The following PRG4 variants were observed in gnomAD, a reference collection of about 807,000 sequenced individuals.
PRG4 encodes the protein proteoglycan 4, also known as articular superficial zone protein.
A neutral mutation model predicts 91.2 loss-of-function variants in PRG4; 61 were observed. The ratio of observed to expected loss-of-function variants is 0.67; its 90% CI spans 0.54 to 0.83. The LOEUF (loss-of-function observed/expected upper bound fraction) is 0.83, where lower values mean the gene tolerates loss of function less well. Ranked by LOEUF, PRG4 falls within the 40% of genes least tolerant of loss-of-function variation. The probability of loss-of-function intolerance (pLI) is 0.00; values close to 1 mark genes in which losing one functional copy is unlikely to be tolerated. For synonymous variants in PRG4, 576 were observed against 614.2 expected (o/e 0.94, Z 0.92); for missense variants, 1,564 against 1,714.2 (o/e 0.91, Z 1.55).
intron 8 of PRG4, among the ~76,000 whole-genome samples, chr1:186,310,140 G>GT (rs887027056): frequency 1.3e-4 from 17 of 131,090 alleles, no homozygotes; most frequent in Admixed American, 9.7e-4. Context: ...TTTTTTGGGG[G>GT]GGGGGGGTAG....
chr1:186,303,477 G>C (rs1172664776), intron 4 of PRG4, among the ~76,000 whole-genome samples: 3 of 144,288 alleles, frequency 2.1e-5, no homozygotes, highest in Admixed American at 6.9e-5. Context: ...AAAAAAAGAA[G>C]TTCCATGTTT....
intron 9 of PRG4, 28 bp from the exon 10 acceptor site, chr1:186,311,412 A>G (rs1039070841): frequency 6.2e-6 from 10 of 1,602,440 alleles, no homozygotes; most frequent in African/African-American, 5.4e-5. Context: ...CAAAGCTGAT[A>G]ACATAATTTT....
Position 186,306,725 on chromosome 1 carries a change from G to A in PRG4, c.1006G>A (p.Glu336Lys), listed in dbSNP as rs116879071. Residue 336 changes from glutamate to lysine, a missense_variant, in exon 7 of 13, where the codon GAA (glutamate) becomes AAA (lysine). This residue lies in a region of PRG4 where 437 missense variants were observed against 459.0 expected (regional missense o/e 0.95). Coordinates refer to ENST00000445192, the MANE Select transcript of PRG4 (RefSeq NM_005807.6). The stretch of plus-strand genomic sequence containing the variant: ...GCTGGCTAAACCTACACCCAAAGCT[G>A]AAACTACAACCAAAGGCCCTGCTCT... ...KVLAKPTPKA[E>K]TTTKGPALTT... 1,428 of 1,613,676 alleles carry A rather than the reference G, an allele frequency of 8.8e-4. 11 individuals are homozygous for A. The East Asian group carries it at 0.015, about 16-fold the overall frequency.
In PRG4 at chr1:186,314,479, AT is replaced by A; in HGVS notation, c.*703del. The A allele has an allele frequency of 2.0e-6, 1 of 512,226 alleles. No homozygotes were observed. Among genetic ancestry groups the A allele is most frequent in the Non-Finnish European group, 3.4e-6 (1 of 296,526 alleles). The allele number at this position is 512,226 out of a possible 1,614,324, so 31.7% of individuals were successfully genotyped here. A position where few individuals can be genotyped will look rare whatever the true frequency, so the allele number is the denominator to read the frequency against. On this transcript the variant is annotated 3_prime_UTR_variant, in exon 13 of 13. Coordinates refer to ENST00000445192, the MANE Select transcript of PRG4 (RefSeq NM_005807.6). ...AAATCTGTCTACATGAAGTTTACAGATTGGTAAATATCACCTGCTCAACATG... is the reference window on the plus strand; with the variant it reads ...AAATCTGTCTACATGAAGTTTACAGATGGTAAATATCACCTGCTCAACATG...
intron 8 of PRG4, among the ~76,000 whole-genome samples, chr1:186,310,494 C>G (rs1657118682): frequency 6.6e-6 from 1 of 151,914 alleles, no homozygotes; most frequent in South Asian, 2.1e-4. Flanking sequence ...AGCCAAAAGG[C>G]TTTTTTGAGA....
chr1:186,310,134 T>TGC lies in PRG4; in HGVS notation c.3499+264_3499+265insGC, dbSNP rs1557962950. 3.1e-5 allele frequency among the ~76,000 whole-genome samples: 2 copies of TGC among 64,634 alleles called. 1 individual carries two copies. The highest frequency in any genetic ancestry group is 6.2e-5 in the Non-Finnish European group (2 of 32,082). 42.4% of individuals were successfully genotyped at this position (64,634 alleles called of 152,430 possible). ...AGATTTAAAAAGTAGTTCATTTTTT[T>TGC]TGGGGGGGGGGGGTAGTTAAAATTT... On this transcript the variant is annotated intron_variant, in intron 8 of 12. Coordinates refer to ENST00000445192, the MANE Select transcript of PRG4 (RefSeq NM_005807.6).
rs559820149 is a variant in PRG4 at position 186,305,718 on chromosome 1, G to T, written c.599-600G>T. 2.0e-5 allele frequency among the ~76,000 whole-genome samples: 3 copies of T among 152,302 alleles called. No homozygotes were observed. The South Asian group carries it at 6.2e-4, about 32-fold the overall frequency. Reference sequence around the variant, plus strand: ...TCCACATGTGGGGCAGCTGCTATGGGAAAGCCTTGATAAATACTGTCTTTT... The same window carrying T: ...TCCACATGTGGGGCAGCTGCTATGGTAAAGCCTTGATAAATACTGTCTTTT... On this transcript the variant is annotated intron_variant, in intron 6 of 12. Coordinates refer to ENST00000445192, the MANE Select transcript of PRG4 (RefSeq NM_005807.6).
At chr1:186,298,921 T>A (rs1205762653) in intron 2 of PRG4, among the ~76,000 whole-genome samples, 3 of 152,130 alleles carry the variant, frequency 2.0e-5, no homozygotes, top group Admixed American at 1.3e-4. Context: ...CATTTTTGTA[T>A]GCATTATGCA....
intron 6 of PRG4, among the ~76,000 whole-genome samples, chr1:186,305,952 A>G (rs957085370): frequency 6.6e-6 from 1 of 152,184 alleles, no homozygotes; most frequent in Non-Finnish European, 1.5e-5. Context: ...GGTTTCCAGG[A>G]GGAAGGAAGG....
intron 4 of PRG4, among the ~76,000 whole-genome samples, chr1:186,302,034 C>T (rs1656256968): frequency 6.6e-6 from 1 of 152,114 alleles, no homozygotes; most frequent in African/African-American, 2.4e-5. Flanking sequence ...AATCAAATCA[C>T]TTGATGATTT....
chr1:186,311,249 C>G, intron 9 of PRG4, 79 bp downstream of exon 9: 1 of 1,476,126 alleles, frequency 6.8e-7, no homozygotes, highest in Non-Finnish European at 9.4e-7. Flanking sequence ...ATTGCCTTAA[C>G]CTCCAATATG....
In PRG4 at chr1:186,314,147, T is replaced by G; in HGVS notation, c.*369T>G. On this transcript the variant is annotated 3_prime_UTR_variant, in exon 13 of 13. Coordinates refer to ENST00000445192, the MANE Select transcript of PRG4 (RefSeq NM_005807.6). ...ATTGTGGATATAAAACTGTTGGGTATTCTACAACTTCAATGGAAATTATTA... is the reference window on the plus strand; with the variant it reads ...ATTGTGGATATAAAACTGTTGGGTAGTCTACAACTTCAATGGAAATTATTA... The G allele has an allele frequency of 2.4e-6, 2 of 823,094 alleles. No homozygotes were observed. Among genetic ancestry groups the G allele is most frequent in the Non-Finnish European group, 3.8e-6 (2 of 532,326 alleles). The allele number at this position is 823,094 out of a possible 1,614,324, so 51.0% of individuals were successfully genotyped here.
chr1:186,310,649 ATTTTTGTATT>A (rs1657133199), intron 8 of PRG4, among the ~76,000 whole-genome samples: 1 of 143,116 alleles, frequency 7.0e-6, no homozygotes. Context: ...TGCCTGGCTA[ATTTTTGTATT>A]TTTTTTTGTA....
chr1:186,304,398 G>C, intron 5 of PRG4, 141 bp downstream of exon 5: 1 of 1,024,300 alleles, frequency 9.8e-7, no homozygotes, highest in Non-Finnish European at 1.5e-6. Flanking sequence ...TTTAGACTTT[G>C]CTTTTAAGTA....
intron 6 of PRG4, among the ~76,000 whole-genome samples, 200 bp downstream of exon 6, chr1:186,305,122 C>T (rs1408584208): frequency 6.6e-5 from 10 of 152,140 alleles, no homozygotes; most frequent in Non-Finnish European, 1.3e-4. Flanking sequence ...ACTCTAAAAG[C>T]AAAGGATAAG....
Position 186,307,780 on chromosome 1 carries a change from G to A in PRG4, c.2061G>A (p.Glu687=). 1 of 1,612,166 alleles carries A rather than the reference G, an allele frequency of 6.2e-7. No homozygotes were observed. Among genetic ancestry groups the A allele is most frequent in the South Asian group, 1.1e-5 (1 of 91,040 alleles). ...AGCCTGCTCCAACTACCCCTAAGGAGCCTGCTCCAACTACCCCTAAGGAGC... is the reference window on the plus strand; with the variant it reads ...AGCCTGCTCCAACTACCCCTAAGGAACCTGCTCCAACTACCCCTAAGGAGC... ...PKEPAPTTPK[E]PAPTTPKEPA... The change falls in exon 7 of 13, where the codon GAG becomes GAA. Residue 687 remains glutamate (E), a synonymous_variant. Coordinates refer to ENST00000445192, the MANE Select transcript of PRG4 (RefSeq NM_005807.6).
intron 1 of PRG4, 107 bp from the exon 2 acceptor site, chr1:186,296,739 G>T (rs1382745544): frequency 1.0e-5 from 7 of 677,958 alleles, no homozygotes; most frequent in African/African-American, 7.2e-5. Context: ...GAATGGGATG[G>T]TTTTATTATT....
chr1:186,306,544 T>G lies in PRG4; in HGVS notation c.825T>G (p.Ser275=). Residue 275 remains serine (S), a synonymous_variant, in exon 7 of 13, where the codon TCT becomes TCG. Coordinates refer to ENST00000445192, the MANE Select transcript of PRG4 (RefSeq NM_005807.6). ...PPNSDTSKET[S]LTVNKETTVE... ...ATTCTGATACATCTAAAGAGACGTC[T>G]TTGACAGTGAATAAAGAGACAACAG... The G allele has an allele frequency of 6.2e-7, 1 of 1,613,250 alleles. No individual in the cohort carries two copies. The highest frequency in any genetic ancestry group is 1.1e-5 in the South Asian group (1 of 91,074).
chr1:186,313,097 T>C, intron 12 of PRG4: 1 of 575,316 alleles, frequency 1.7e-6, no homozygotes, highest in South Asian at 2.0e-5. Flanking sequence ...TGCTCTAACC[T>C]TCATGAGATT....
Sources: gnomAD v4.1 joint callset for allele counts (sites outside exome capture counted in the v4.1 genomes callset) on GRCh38, gnomAD v4.1.1 for gene constraint, gnomAD v4.1.1 regional missense constraint, MANE v1.5 for transcripts, NCBI Gene and HGNC (gene_info 2026-07-23, HGNC 2026-07-21) for gene names.